Variants in MSRA observed in about 807,000 individuals in gnomAD.
The protein encoded by MSRA is mitochondrial peptide methionine sulfoxide reductase.
MSRA carries 54 observed loss-of-function variants against 31.3 expected under a neutral mutation model. The ratio of observed to expected loss-of-function variants is 1.73; its 90% confidence interval spans 1.39 to 2.17. The LOEUF is 2.17. MSRA is among the 30% of genes most tolerant of loss of function. MSRA has a pLI of 0.00. For missense variants in MSRA, 507 were observed against 300.9 expected, an observed-to-expected ratio of 1.69 and a Z score of -5.07; for synonymous variants, 169 against 116.5, an observed-to-expected ratio of 1.45 and a Z score of -2.90.
intron 2 of MSRA, among the ~76,000 whole-genome samples, chr8:10,240,605 A>G (rs1812324896): frequency 6.6e-6 from 1 of 151,992 alleles, no homozygotes; most frequent in African/African-American, 2.4e-5. Context: ...TTCCTCTTCC[A>G]GTCTTTGTGT....
At chr8:10,114,827 A>C (rs775792974) in intron 1 of MSRA, among the ~76,000 whole-genome samples, 9 of 152,220 alleles carry the variant, frequency 5.9e-5, no homozygotes, top group Non-Finnish European at 8.8e-5. Context: ...CTCATATGTA[A>C]ATGTAATATA....
intron 4 of MSRA, among the ~76,000 whole-genome samples, chr8:10,317,345 A>C (rs1180662178): frequency 6.6e-6 from 1 of 152,142 alleles, no homozygotes; most frequent in Non-Finnish European, 1.5e-5. Context: ...GTTGGTACCC[A>C]AAGATGAGCT....
chr8:10,243,015 A>C (rs937022516), intron 2 of MSRA, among the ~76,000 whole-genome samples: 1 of 152,150 alleles, frequency 6.6e-6, no homozygotes, highest in Non-Finnish European at 1.5e-5. Context: ...AGGGGATTAA[A>C]TATCTCTCTA....
chr8:10,367,284 A>G (rs1027752932), intron 5 of MSRA, among the ~76,000 whole-genome samples: 1 of 152,232 alleles, frequency 6.6e-6, no homozygotes, highest in Non-Finnish European at 1.5e-5. Flanking sequence ...GAGAGACCAC[A>G]GTCACATAAC....
chr8:10,397,414 A>G (rs577339110), intron 5 of MSRA, among the ~76,000 whole-genome samples: 3 of 152,296 alleles, frequency 2.0e-5, no homozygotes, highest in Non-Finnish European at 2.9e-5. Context: ...GAGTTCATTG[A>G]GCTGAAATGG....
At chr8:10,115,533 C>T (rs1800613851) in intron 1 of MSRA, among the ~76,000 whole-genome samples, 1 of 152,134 alleles carries the variant, frequency 6.6e-6, no homozygotes, top group Admixed American at 6.5e-5. Flanking sequence ...TGTCTAAGAC[C>T]CAGATTTGTG....
intron 2 of MSRA, among the ~76,000 whole-genome samples, chr8:10,213,809 G>A (rs1033843084): frequency 2.0e-5 from 3 of 152,100 alleles, no homozygotes; most frequent in Non-Finnish European, 2.9e-5. Context: ...AGGTCTCTTC[G>A]ATACACTGAT....
chr8:10,134,809 A>G (rs1802153055), intron 1 of MSRA, among the ~76,000 whole-genome samples: 1 of 152,232 alleles, frequency 6.6e-6, no homozygotes, highest in South Asian at 2.1e-4. Flanking sequence ...CTTTGATTAA[A>G]CATGCCGTTG....
chr8:10,271,698 A>T (rs1023499577), intron 3 of MSRA, among the ~76,000 whole-genome samples: 2 of 150,260 alleles, frequency 1.3e-5, no homozygotes, highest in Non-Finnish European at 3.0e-5. Context: ...TAAATGATTT[A>T]TGTAATTTCC....
chr8:10,103,108 T>C (rs1222992881), intron 1 of MSRA, among the ~76,000 whole-genome samples: 49 of 152,208 alleles, frequency 3.2e-4, no homozygotes, highest in Non-Finnish European at 1.3e-4. Context: ...CTTTATTAAT[T>C]TAGAAAAATT....
At chr8:10,214,599 G>A (rs1809823088) in intron 2 of MSRA, among the ~76,000 whole-genome samples, 1 of 152,144 alleles carries the variant, frequency 6.6e-6, no homozygotes, top group African/African-American at 2.4e-5. Flanking sequence ...GAACTCTGGA[G>A]GGGCAGCCAC....
chr8:10,261,599 G>A (rs1053949562), intron 3 of MSRA, among the ~76,000 whole-genome samples: 1 of 152,112 alleles, frequency 6.6e-6, no homozygotes, highest in Non-Finnish European at 1.5e-5. Flanking sequence ...AAAGTAAGCA[G>A]GAAGTACACA....
chr8:10,249,885 G>C (rs576397518), intron 3 of MSRA, among the ~76,000 whole-genome samples: 13 of 152,314 alleles, frequency 8.5e-5, no homozygotes, highest in Admixed American at 6.5e-4. Context: ...GACTGGAATA[G>C]CCATGAGGAG....
At chr8:10,073,192 T>C (rs1797828872) in intron 1 of MSRA, among the ~76,000 whole-genome samples, 1 of 152,180 alleles carries the variant, frequency 6.6e-6, no homozygotes, top group Non-Finnish European at 1.5e-5. Context: ...TTTGTATCTA[T>C]CTTAGGGGAA....
At chr8:10,294,559 G>C (rs114680308) in intron 3 of MSRA, among the ~76,000 whole-genome samples, 2 of 152,112 alleles carry the variant, frequency 1.3e-5, no homozygotes, top group Non-Finnish European at 2.9e-5. Context: ...CTCCCAAACC[G>C]AGTTCTTGAG....
At chr8:10,234,340 A>G (rs1811757092) in intron 2 of MSRA, among the ~76,000 whole-genome samples, 1 of 152,180 alleles carries the variant, frequency 6.6e-6, no homozygotes, top group Non-Finnish European at 1.5e-5. Flanking sequence ...GAGATTGTTC[A>G]GTGTGGCGGG....
At chr8:10,394,772 A>G (rs928594987) in intron 5 of MSRA, among the ~76,000 whole-genome samples, 4 of 152,244 alleles carry the variant, frequency 2.6e-5, no homozygotes, top group African/African-American at 9.6e-5. Flanking sequence ...GCAAGACACT[A>G]GGAGGCACAA....
At chr8:10,371,489 C>A (rs1805473448) in intron 5 of MSRA, among the ~76,000 whole-genome samples, 1 of 152,100 alleles carries the variant, frequency 6.6e-6, no homozygotes, top group Non-Finnish European at 1.5e-5. Context: ...GTTTACTTCT[C>A]GTTCTCAGGT....
intron 1 of MSRA, among the ~76,000 whole-genome samples, chr8:10,201,111 A>G (rs1808460007): frequency 6.6e-6 from 1 of 152,024 alleles, no homozygotes; most frequent in Non-Finnish European, 1.5e-5. Context: ...GTGAGACCAT[A>G]TTTTGTTGGG....
Sources: allele counts gnomAD v4.1 joint callset (sites outside exome capture counted in the v4.1 genomes callset), GRCh38; gene constraint gnomAD v4.1.1; transcripts MANE v1.5; gene names NCBI Gene and HGNC (gene_info 2026-07-23, HGNC 2026-07-21).